The following ANK1 variants were observed in gnomAD, a reference collection of about 807,000 sequenced individuals.
The protein encoded by ANK1 is ankyrin-1.
In ANK1, 51 loss-of-function variants were observed where a neutral mutation model predicts 210.4. The observed-to-expected ratio is 0.24, with a 90% CI of 0.19 to 0.31. The LOEUF (loss-of-function observed/expected upper bound fraction) is 0.31. Ranked by LOEUF, ANK1 falls within the 10% of genes least tolerant of loss-of-function variation. The pLI is 1.00. For synonymous variants in ANK1, 967 were observed against 1,025.9 expected (o/e 0.94, Z 1.10); for missense variants, 2,051 against 2,504.4 (o/e 0.82, Z 3.86).
chr8:41,789,676 AAG>A (rs1239725257), intron 1 of ANK1, among the ~76,000 whole-genome samples: 1 of 152,220 alleles, frequency 6.6e-6, no homozygotes, highest in Non-Finnish European at 1.5e-5. Context: ...CAGTATGGTG[AAG>A]AGTGTCTATA....
chr8:41,836,580 C>T (rs984023834), intron 1 of ANK1, among the ~76,000 whole-genome samples: 5 of 152,276 alleles, frequency 3.3e-5, no homozygotes, highest in East Asian at 1.9e-4. Flanking sequence ...GGCTTCCAAC[C>T]GGCGAAAACT....
chr8:41,889,711 T>C (rs1156281910), intron 1 of ANK1, among the ~76,000 whole-genome samples: 1 of 152,230 alleles, frequency 6.6e-6, no homozygotes, highest in African/African-American at 2.4e-5. Flanking sequence ...CATTCCATTA[T>C]CTGTGACAGT....
intron 1 of ANK1, among the ~76,000 whole-genome samples, chr8:41,848,943 G>C (rs553116317): frequency 6.6e-5 from 10 of 152,306 alleles, no homozygotes; most frequent in Admixed American, 1.3e-4. Context: ...CATTGCCCCT[G>C]GTGCGACCTG....
chr8:41,801,824 TA>T (rs1290674360), upstream of ANK1, among the ~76,000 whole-genome samples: 4 of 152,236 alleles, frequency 2.6e-5, no homozygotes, highest in Non-Finnish European at 5.9e-5. Context: ...TTACACTTTT[TA>T]AAATGGTATC....
At chr8:41,659,918 G>C (rs1053325102) in intron 42 of ANK1, among the ~76,000 whole-genome samples, 3 of 152,014 alleles carry the variant, frequency 2.0e-5, no homozygotes, top group Non-Finnish European at 4.4e-5. Context: ...CCTGGCTTTC[G>C]GGCTGCCTCT....
In ANK1 at chr8:41,704,499, C is replaced by T. The variant is rs759708980; in HGVS notation, c.2098-27G>A. The T allele has an allele frequency of 1.5e-5, 24 of 1,586,650 alleles. No individual in the cohort carries two copies. The highest frequency in any genetic ancestry group is 3.3e-5 in the Admixed American group (2 of 59,938). On this transcript the variant is annotated intron_variant, in intron 18 of 42. Coordinates refer to ENST00000289734, the MANE Select transcript of ANK1 (RefSeq NM_000037.4). This position sits in a 1 kb window ranked among gnomAD's most constrained non-coding sequence, Gnocchi z 4.1. Reference sequence around the variant, plus strand: ...TGAAAAGCAGATGAGAAGGAGTGACCGGAGCTGTCCTGAGCTGGGCATCAC... The same window carrying T: ...TGAAAAGCAGATGAGAAGGAGTGACTGGAGCTGTCCTGAGCTGGGCATCAC...
chr8:41,829,282 C>T (rs1187669289), intron 1 of ANK1: 1 of 152,210 alleles, frequency 6.6e-6, no homozygotes, highest in Non-Finnish European at 1.5e-5. Context: ...CTTCTTGTGG[C>T]TTGATGAACT....
chr8:41,697,406 C>T (rs1181963459), intron 24 of ANK1, among the ~76,000 whole-genome samples: 5 of 152,164 alleles, frequency 3.3e-5, no homozygotes, highest in South Asian at 2.1e-4. Context: ...GCTTTTCCCC[C>T]GGTCCAGAAC....
Position 41,693,762 on chromosome 8 carries a change from G to A in ANK1, c.3532+136C>T, listed in dbSNP as rs537448817. Reference sequence around the variant, plus strand: ...AGATACATCATCCTTCCATCTCTTGGAAGAGCACCTCACTCCCGGGGAAGT... The same window carrying A: ...AGATACATCATCCTTCCATCTCTTGAAAGAGCACCTCACTCCCGGGGAAGT... On this transcript the variant is annotated intron_variant, in intron 29 of 42. Coordinates refer to ENST00000289734, the MANE Select transcript of ANK1 (RefSeq NM_000037.4). 7.1e-6 allele frequency: 7 copies of A among 991,518 alleles called. No individual in the cohort carries two copies. The South Asian group carries it at 1.0e-4, about 15-fold the overall frequency. The allele number at this position is 991,518 out of a possible 1,614,324, so 61.4% of individuals were successfully genotyped here.
chr8:41,772,335 A>G (rs549502957), intron 1 of ANK1, among the ~76,000 whole-genome samples: 1 of 152,218 alleles, frequency 6.6e-6, no homozygotes, highest in African/African-American at 2.4e-5. Context: ...AGCTTCACCC[A>G]TCTCTCCAAT....
At chr8:41,778,913 A>G (rs1844698570) in intron 1 of ANK1, among the ~76,000 whole-genome samples, 1 of 152,218 alleles carries the variant, frequency 6.6e-6, no homozygotes, top group East Asian at 1.9e-4. Context: ...TGACATTCCT[A>G]TGGGAGGGAG....
intron 37 of ANK1, among the ~76,000 whole-genome samples, chr8:41,679,603 C>T (rs939948513): frequency 1.6e-5 from 2 of 125,520 alleles, no homozygotes; most frequent in African/African-American, 6.0e-5. Flanking sequence ...CACTCTGTGG[C>T]CCAGGCGGGA....
In ANK1 at chr8:41,715,814, G is replaced by A. The variant is rs758788802; in HGVS notation, c.1440C>T (p.Ile480=). 10 of 1,614,218 alleles carry A rather than the reference G, an allele frequency of 6.2e-6. No homozygotes were observed. Among genetic ancestry groups the A allele is most frequent in the South Asian group, 5.5e-5 (5 of 91,078 alleles). ...DQTPLHCAAR[I]GHTNMVKLLL... ...GGAGCTTCACCATGTTTGTGTGGCCGATGCGAGCTGCACAGTGAAGTGGGG... is the reference window on the plus strand; with the variant it reads ...GGAGCTTCACCATGTTTGTGTGGCCAATGCGAGCTGCACAGTGAAGTGGGG... The change falls in exon 14 of 43, where the codon ATC becomes ATT. Residue 480 remains isoleucine (I), a synonymous_variant. Coordinates refer to ENST00000289734, the MANE Select transcript of ANK1 (RefSeq NM_000037.4).
chr8:41,865,220 G>C (rs1220798707), intron 1 of ANK1, among the ~76,000 whole-genome samples: 1 of 152,204 alleles, frequency 6.6e-6, no homozygotes, highest in Non-Finnish European at 1.5e-5. Context: ...GGAGGGACTT[G>C]AAACAAGTGT....
chr8:41,732,627 G>A (rs1033970631), intron 3 of ANK1, among the ~76,000 whole-genome samples: 2 of 152,102 alleles, frequency 1.3e-5, no homozygotes, highest in Non-Finnish European at 2.9e-5. Flanking sequence ...TGGCTGGGCT[G>A]GTTTCGAACT....
intron 1 of ANK1, among the ~76,000 whole-genome samples, chr8:41,861,493 C>T (rs1193850290): frequency 1.3e-5 from 2 of 152,188 alleles, no homozygotes; most frequent in South Asian, 2.1e-4. Flanking sequence ...GGTAGAACCC[C>T]GTAGAACACA....
intron 1 of ANK1, among the ~76,000 whole-genome samples, chr8:41,875,392 C>G (rs1375334681): frequency 6.6e-6 from 1 of 152,196 alleles, no homozygotes; most frequent in Non-Finnish European, 1.5e-5. Context: ...ATACCCAACA[C>G]TGGGCCTCCA....
intron 22 of ANK1, among the ~76,000 whole-genome samples, 199 bp downstream of exon 22, chr8:41,701,351 C>A (rs574483843): frequency 2.6e-5 from 4 of 152,280 alleles, no homozygotes; most frequent in African/African-American, 7.2e-5. Context: ...TCAATGTTCC[C>A]TCACCTAAGT....
At chr8:41,830,804 T>C (rs1040802643) in intron 1 of ANK1, among the ~76,000 whole-genome samples, 7 of 152,138 alleles carry the variant, frequency 4.6e-5, no homozygotes, top group African/African-American at 1.7e-4. Flanking sequence ...AGATGAATCA[T>C]TGAAGAATAA....
Sources: gnomAD v4.1 joint callset for allele counts (sites outside exome capture counted in the v4.1 genomes callset) on GRCh38, gnomAD v4.1.1 for gene constraint, Gnocchi (gnomAD v3.1) non-coding constraint, MANE v1.5 for transcripts, NCBI Gene and HGNC (gene_info 2026-07-23, HGNC 2026-07-21) for gene names.